Variants in ANKHD1 observed in about 807,000 individuals in gnomAD.
The protein encoded by ANKHD1 is ankyrin repeat and KH domain-containing protein 1.
A neutral mutation model predicts 230.5 loss-of-function variants in ANKHD1; 31 were observed. That is an observed-to-expected ratio of 0.13 (90% CI 0.10 to 0.18). The LOEUF (loss-of-function observed/expected upper bound fraction) is 0.18. Among genes scored for constraint, ANKHD1 ranks in the 10% least tolerant of loss-of-function variants. ANKHD1 has a pLI of 1.00. For synonymous variants in ANKHD1, 1,074 were observed against 1,117.6 expected, an observed-to-expected ratio of 0.96 and a Z score of 0.78; for missense variants, 2,256 against 3,071.3, an observed-to-expected ratio of 0.73 and a Z score of 6.27.
intron 2 of ANKHD1, among the ~76,000 whole-genome samples, chr5:140,437,894 A>G (rs1773570609): frequency 6.6e-6 from 1 of 152,202 alleles, no homozygotes. Context: ...ATGTTATATC[A>G]TTAGTAGATT....
At chr5:140,516,536 C>T (rs534468513) in intron 24 of ANKHD1, among the ~76,000 whole-genome samples, 3 of 152,138 alleles carry the variant, frequency 2.0e-5, no homozygotes, top group South Asian at 2.1e-4. Flanking sequence ...GGGCAGCCAG[C>T]GAGAAAGGTC....
chr5:140,477,653 C>T (rs541401748), intron 10 of ANKHD1, among the ~76,000 whole-genome samples: 1 of 152,324 alleles, frequency 6.6e-6, no homozygotes, highest in Admixed American at 6.5e-5. Flanking sequence ...CACTCTGTCA[C>T]CAGGCTGGAG....
At position 140,539,388 on chromosome 5, in the gene ANKHD1, TG is replaced by T; in HGVS notation, c.7601del (p.Gly2534GlufsTer45). ...IWPGTWAPHI[G>X]NMHLKYVN The stretch of plus-strand genomic sequence containing the variant: ...GGCCTGGCACGTGGGCACCTCATAT[TG>T]GAAACATGCATCTCAAATATGTCAA... On this transcript the variant is annotated frameshift_variant, in exon 34 of 34. Coordinates refer to ENST00000360839, the MANE Select transcript of ANKHD1 (RefSeq NM_017747.3). LOFTEE classifies it high-confidence loss of function. The T allele has an allele frequency of 6.2e-7, 1 of 1,614,050 alleles. No individual in the cohort carries two copies. The highest frequency in any genetic ancestry group is 8.5e-7 in the Non-Finnish European group (1 of 1,179,928).
At chr5:140,457,590 A>C (rs1172884712) in intron 7 of ANKHD1, among the ~76,000 whole-genome samples, 1 of 152,206 alleles carries the variant, frequency 6.6e-6, no homozygotes, top group African/African-American at 2.4e-5. Flanking sequence ...CATTCTCAGC[A>C]AACTATCACA....
chr5:140,531,231 C>G (rs1753801767), intron 29 of ANKHD1: 1 of 370,968 alleles, frequency 2.7e-6, no homozygotes, highest in South Asian at 2.0e-5. Flanking sequence ...TGTATGGTTT[C>G]TTTTGTTGAT....
chr5:140,487,995 G>A (rs1028687515), intron 14 of ANKHD1, among the ~76,000 whole-genome samples: 9 of 151,988 alleles, frequency 5.9e-5, no homozygotes, highest in Non-Finnish European at 1.2e-4. Flanking sequence ...CCTTTACCAG[G>A]GCTAAACTAT....
At chr5:140,538,570 G>A (rs1406925821) in intron 32 of ANKHD1, among the ~76,000 whole-genome samples, 2 of 152,196 alleles carry the variant, frequency 1.3e-5, no homozygotes, top group African/African-American at 2.4e-5. Flanking sequence ...TGCTCTGACA[G>A]CTTTATGTCG....
chr5:140,486,933 AT>A (rs1486286436), intron 13 of ANKHD1, 24 bp from the exon 14 acceptor site: 2 of 1,603,140 alleles, frequency 1.2e-6, no homozygotes, highest in South Asian at 1.1e-5. Flanking sequence ...GTCTGAGATG[AT>A]TTTTTTCTGA....
intron 10 of ANKHD1, among the ~76,000 whole-genome samples, chr5:140,474,249 T>A (rs1750840750): frequency 6.6e-6 from 1 of 152,156 alleles, no homozygotes; most frequent in Non-Finnish European, 1.5e-5. Context: ...ACTAAGGTAA[T>A]GATTAATATA....
chr5:140,524,295 C>T, intron 25 of ANKHD1, 55 bp downstream of exon 25: 1 of 1,498,448 alleles, frequency 6.7e-7, no homozygotes, highest in Non-Finnish European at 8.8e-7. Flanking sequence ...TTATCAACTT[C>T]ATTTTGAGTG....
chr5:140,524,210 G>C lies in ANKHD1; in HGVS notation c.4462G>C (p.Asp1488His). ...KPKENSELPE[D>H]EDEEENDEDV... is the part of the protein sequence containing the mutation. ...TAAGGAGAATTCGGAACTACCAGAG[G>C]ATGAAGATGAAGAGGAGAATGATGA... is the stretch of plus-strand genomic sequence containing the variant. The change falls in exon 25 of 34, where the codon GAT becomes CAT. Residue 1488 changes from aspartate (D) to histidine (H), a missense_variant. Around this residue, in one of 13 missense-constraint regions of ANKHD1, gnomAD observed 212 missense variants for 257.3 expected, o/e 0.82. Transcript: ENST00000360839. 2.5e-6 allele frequency: 4 copies of C among 1,585,670 alleles called. No homozygotes were observed. The highest frequency in any genetic ancestry group is 3.4e-6 in the Non-Finnish European group (4 of 1,172,906).
intron 24 of ANKHD1, among the ~76,000 whole-genome samples, chr5:140,515,608 C>T (rs966129293): frequency 1.3e-5 from 2 of 152,168 alleles, no homozygotes; most frequent in Non-Finnish European, 2.9e-5. Context: ...GGGCAGACTG[C>T]CTCCTCAAGT....
intron 7 of ANKHD1, among the ~76,000 whole-genome samples, chr5:140,454,374 T>TACAGAACTCTCCACCCCAAATCA (rs1774996879): frequency 1.3e-5 from 2 of 152,210 alleles, no homozygotes; most frequent in Non-Finnish European, 2.9e-5. Context: ...AATAGGCATC[T>TACAGAACTCTCCACCCCAAATCA]ACAGAACTCT....
In ANKHD1 at chr5:140,531,227, G is replaced by A. The variant is rs186656410; in HGVS notation, c.6850+1431G>A. 6 of 365,080 alleles carry A rather than the reference G, an allele frequency of 1.6e-5. No individual in the cohort carries two copies. The East Asian group carries it at 6.2e-4, about 37-fold the overall frequency. The allele number at this position is 365,080 out of a possible 1,614,324, so 22.6% of individuals were successfully genotyped here. Reference sequence around the variant, plus strand: ...GCCCCATTTCTTAACTGCTTGTATGGTTTCTTTTGTTGATGCTCTTTTCAC... The same window carrying A: ...GCCCCATTTCTTAACTGCTTGTATGATTTCTTTTGTTGATGCTCTTTTCAC... On this transcript the variant is annotated intron_variant, in intron 29 of 33. Coordinates refer to ENST00000360839, the MANE Select transcript of ANKHD1 (RefSeq NM_017747.3).
chr5:140,499,834 T>C (rs1414793674), intron 15 of ANKHD1, among the ~76,000 whole-genome samples: 1 of 152,058 alleles, frequency 6.6e-6, no homozygotes, highest in Non-Finnish European at 1.5e-5. Flanking sequence ...GCTTTTACCT[T>C]TGAGCAGTTC....
At chr5:140,441,656 G>A (rs1355779396) in intron 5 of ANKHD1, among the ~76,000 whole-genome samples, 1 of 152,138 alleles carries the variant, frequency 6.6e-6, no homozygotes, top group Non-Finnish European at 1.5e-5. Context: ...ATACAAAGTA[G>A]CAAATATGTA....
intron 15 of ANKHD1, among the ~76,000 whole-genome samples, chr5:140,499,954 C>T (rs1401339964): frequency 1.1e-4 from 17 of 151,480 alleles, no homozygotes; most frequent in East Asian, 5.8e-4. Flanking sequence ...CTGCAACTTC[C>T]GCCTCCTGGG....
rs112855981 is a variant in ANKHD1, at chr5:140,507,558, T to C, written c.3552-227T>C. ...CCGACCTCAGGTGATCTGCCCTCCT[T>C]GGCCTCCCAAAGTGCTGGGATTACA... On this transcript the variant is annotated intron_variant, in intron 19 of 33. Coordinates refer to ENST00000360839, the MANE Select transcript of ANKHD1 (RefSeq NM_017747.3). This position sits in a 1 kb window ranked among gnomAD's most constrained non-coding sequence, Gnocchi z 4.1. Among the ~76,000 whole-genome samples the C allele has an allele frequency of 8.5e-4, 130 of 152,170 alleles. No individual in the cohort carries two copies. The highest frequency in any genetic ancestry group is 3.0e-3 in the African/African-American group (126 of 41,526).
chr5:140,457,636 T>C (rs151334844), intron 7 of ANKHD1, among the ~76,000 whole-genome samples: 2,296 of 152,018 alleles, frequency 0.015, 60 homozygotes, highest in African/African-American at 0.052. Context: ...TTCTCACTCA[T>C]AGGTGGGAAT....
Sources: gnomAD v4.1 joint callset for allele counts (sites outside exome capture counted in the v4.1 genomes callset) on GRCh38, gnomAD v4.1.1 for gene constraint, gnomAD v4.1.1 regional missense constraint, Gnocchi (gnomAD v3.1) non-coding constraint, MANE v1.5 for transcripts, NCBI Gene and HGNC (gene_info 2026-07-23, HGNC 2026-07-21) for gene names.